KIF16B: variants seen among roughly 807,000 people sequenced by gnomAD.
KIF16B encodes the protein kinesin family member 16B.
A neutral mutation model predicts 156.3 loss-of-function variants in KIF16B; 98 were observed. That is an observed-to-expected ratio of 0.63 (90% CI 0.53 to 0.74). The LOEUF (loss-of-function observed/expected upper bound fraction) is 0.74, where lower values mean the gene tolerates loss of function less well. Among genes scored for constraint, KIF16B ranks in the 30% least tolerant of loss-of-function variants. The probability of loss-of-function intolerance (pLI) is 0.00; values close to 1 mark genes in which losing one functional copy is unlikely to be tolerated. For missense variants in KIF16B, 1,421 were observed against 1,606.5 expected (o/e 0.88, Z 1.97); for synonymous variants, 564 against 583.7 (o/e 0.97, Z 0.49).
intron 25 of KIF16B, among the ~76,000 whole-genome samples, chr20:16,290,562 C>T (rs1465528152): frequency 1.3e-5 from 2 of 151,704 alleles, no homozygotes; most frequent in East Asian, 1.9e-4. Flanking sequence ...GTTCTCTGGA[C>T]GAGGGGTGCC....
Position 16,427,231 on chromosome 20 carries a change from G to T in KIF16B, c.1485C>A (p.Gly495=). ...ASTEQDIVLH[G]LDLESEHCIF... is the part of the protein sequence containing the mutation. Reference sequence around the variant, plus strand: ...TGCAATGCTCACTCTCCAAGTCAAGGCCATGAAGAACTAAAGTGGAAAAAC... The same window carrying T: ...TGCAATGCTCACTCTCCAAGTCAAGTCCATGAAGAACTAAAGTGGAAAAAC... The change falls in exon 15 of 26, where the codon GGC becomes GGA. Residue 495 remains glycine (G), a synonymous_variant. Coordinates refer to ENST00000354981, the MANE Select transcript of KIF16B (RefSeq NM_024704.5). The T allele has an allele frequency of 6.2e-7, 1 of 1,609,128 alleles. No individual in the cohort carries two copies. Among genetic ancestry groups the T allele is most frequent in the Middle Eastern group, 1.7e-4 (1 of 6,038 alleles).
At chr20:16,446,471 G>C (rs1413720245) in intron 12 of KIF16B, among the ~76,000 whole-genome samples, 2 of 152,146 alleles carry the variant, frequency 1.3e-5, no homozygotes, top group Non-Finnish European at 2.9e-5. Context: ...GCACCATCTT[G>C]ATTCCATTAA....
At chr20:16,369,197 G>A (rs6111078) in intron 22 of KIF16B, 1 of 985,794 alleles carries the variant, frequency 1.0e-6, no homozygotes, top group Non-Finnish European at 1.2e-6. Context: ...TCTTTAATGA[G>A]GCTGGAAGTG....
At chr20:16,421,999 A>T (rs2066238403) in intron 15 of KIF16B, among the ~76,000 whole-genome samples, 1 of 152,164 alleles carries the variant, frequency 6.6e-6, no homozygotes, top group Admixed American at 6.6e-5. Context: ...CAATATGAAG[A>T]TAAAAAATTT....
At chr20:16,477,208 TAA>T (rs71192337) in intron 12 of KIF16B, among the ~76,000 whole-genome samples, 186 of 136,472 alleles carry the variant, frequency 1.4e-3, no homozygotes, top group African/African-American at 4.1e-3. Context: ...TTTCTCTCCT[TAA>T]AAAAAAAAAA....
intron 12 of KIF16B, among the ~76,000 whole-genome samples, chr20:16,475,225 A>AGT (rs2067776304): frequency 6.6e-6 from 1 of 152,234 alleles, no homozygotes; most frequent in Admixed American, 6.5e-5. Context: ...AAGAGTATTT[A>AGT]GTGTGCCAGG....
At chr20:16,334,038 T>G (rs1316457812) in intron 24 of KIF16B, among the ~76,000 whole-genome samples, 1 of 152,262 alleles carries the variant, frequency 6.6e-6, no homozygotes, top group African/African-American at 2.4e-5. Flanking sequence ...AAGAAATTTT[T>G]GTTCTTGTCT....
chr20:16,566,570 C>T (rs1487298863), intron 1 of KIF16B, among the ~76,000 whole-genome samples: 4 of 152,168 alleles, frequency 2.6e-5, no homozygotes, highest in African/African-American at 9.7e-5. Context: ...GTACGAAATG[C>T]TACCTCATTA....
intron 15 of KIF16B, among the ~76,000 whole-genome samples, chr20:16,425,498 A>G (rs188919157): frequency 7.1e-4 from 108 of 152,292 alleles, no homozygotes; most frequent in African/African-American, 2.6e-3. Flanking sequence ...GCCAAAAAGA[A>G]AAAAGAATGG....
chr20:16,546,132 A>C (rs140840884), intron 1 of KIF16B, among the ~76,000 whole-genome samples: 5 of 152,324 alleles, frequency 3.3e-5, no homozygotes, highest in African/African-American at 1.2e-4. Flanking sequence ...TGCCAAGCAC[A>C]GTGGTTTAAT....
intron 1 of KIF16B, among the ~76,000 whole-genome samples, chr20:16,570,433 C>T (rs888802684): frequency 7.2e-5 from 11 of 152,214 alleles, no homozygotes; most frequent in South Asian, 2.1e-4. Context: ...CTTATGCTTC[C>T]GTGATCAATG....
At chr20:16,295,719 C>T (rs2063376200) in intron 25 of KIF16B, among the ~76,000 whole-genome samples, 2 of 152,092 alleles carry the variant, frequency 1.3e-5, no homozygotes, top group South Asian at 4.1e-4. Context: ...ATGAACCTTA[C>T]TCATGGGCCA....
chr20:16,425,520 C>T (rs567384117), intron 15 of KIF16B, among the ~76,000 whole-genome samples: 17 of 152,174 alleles, frequency 1.1e-4, no homozygotes, highest in Middle Eastern at 3.4e-3. Flanking sequence ...TTCCTAAAAC[C>T]AGTGGGTGAA....
intron 24 of KIF16B, among the ~76,000 whole-genome samples, chr20:16,327,030 T>TATACAC (rs2063864402): frequency 1.4e-5 from 2 of 146,672 alleles, no homozygotes; most frequent in African/African-American, 5.1e-5. Flanking sequence ...TGTATATATA[T>TATACAC]ACACACACAC....
intron 1 of KIF16B, among the ~76,000 whole-genome samples, chr20:16,559,485 A>T (rs2070977717): frequency 6.6e-6 from 1 of 152,216 alleles, no homozygotes; most frequent in African/African-American, 2.4e-5. Flanking sequence ...AACAGCAACA[A>T]CAACAACAAA....
At chr20:16,452,258 G>C (rs564894764) in intron 12 of KIF16B, among the ~76,000 whole-genome samples, 1 of 152,264 alleles carries the variant, frequency 6.6e-6, no homozygotes, top group African/African-American at 2.4e-5. Flanking sequence ...AGCAGCAAAA[G>C]AAGCTACAGG....
At chr20:16,444,930 C>A (rs1410372247) in intron 12 of KIF16B, among the ~76,000 whole-genome samples, 1 of 152,222 alleles carries the variant, frequency 6.6e-6, no homozygotes, top group Admixed American at 6.5e-5. Flanking sequence ...AAACTAAGTT[C>A]TTTACTGAAC....
At chr20:16,369,191 T>C in intron 22 of KIF16B, 1 of 985,778 alleles carries the variant, frequency 1.0e-6, no homozygotes, top group Middle Eastern at 5.2e-4. Flanking sequence ...CTCTCCTCTT[T>C]AATGAGGCTG....
At chr20:16,452,868 C>T (rs1416619524) in intron 12 of KIF16B, among the ~76,000 whole-genome samples, 1 of 149,306 alleles carries the variant, frequency 6.7e-6, no homozygotes, top group Non-Finnish European at 1.5e-5. Context: ...AGAAAATGCA[C>T]AGAACTCAGG....
Sources: gnomAD v4.1 joint callset for allele counts (sites outside exome capture counted in the v4.1 genomes callset) on GRCh38, gnomAD v4.1.1 for gene constraint, MANE v1.5 for transcripts, NCBI Gene and HGNC (gene_info 2026-07-23, HGNC 2026-07-21) for gene names.